Variants in CSTPP1 observed in about 807,000 individuals in gnomAD.
CSTPP1 encodes the protein UPF0705 protein C11orf49.
chr11:46,963,251 G>A, the CSTPP1 span, among the ~76,000 whole-genome samples: 3 of 151,354 alleles, frequency 2.0e-5, no homozygotes, highest in Non-Finnish European at 4.4e-5. Context: ...TTAACTGGGG[G>A]AGTTTTGTAG....
chr11:47,118,326 T>C, the CSTPP1 span, among the ~76,000 whole-genome samples: 1 of 152,196 alleles, frequency 6.6e-6, no homozygotes, highest in Non-Finnish European at 1.5e-5. Context: ...TTCTCTACAC[T>C]GTTTATTCTA....
chr11:47,164,268 C>G, the CSTPP1 span: 1 of 1,607,714 alleles, frequency 6.2e-7, no homozygotes, highest in Middle Eastern at 1.7e-4. Context: ...GGGGCCGGCA[C>G]TGGGCAGGGA....
the CSTPP1 span, among the ~76,000 whole-genome samples, chr11:46,999,504 C>A: frequency 6.6e-6 from 1 of 152,140 alleles, no homozygotes; most frequent in Non-Finnish European, 1.5e-5. Flanking sequence ...GAGGGCTAAC[C>A]AGATCATATT....
the CSTPP1 span, among the ~76,000 whole-genome samples, chr11:46,962,066 GT>G: frequency 6.6e-6 from 1 of 152,122 alleles, no homozygotes; most frequent in Non-Finnish European, 1.5e-5. Context: ...ATCAGATCTT[GT>G]GAGAAGTCTC....
the CSTPP1 span, chr11:46,936,881 A>G: frequency 1.9e-6 from 3 of 1,550,028 alleles, no homozygotes; most frequent in Non-Finnish European, 2.6e-6. Flanking sequence ...TTGGGGAGGG[A>G]AAGACGTGCA....
the CSTPP1 span, among the ~76,000 whole-genome samples, chr11:47,104,025 T>C: frequency 6.6e-6 from 1 of 152,288 alleles, no homozygotes; most frequent in Non-Finnish European, 1.5e-5. Context: ...TGCTTAATCA[T>C]CCTATTCTTT....
chr11:47,115,915 G>T, the CSTPP1 span, among the ~76,000 whole-genome samples: 7 of 152,170 alleles, frequency 4.6e-5, no homozygotes, highest in Admixed American at 3.9e-4. Flanking sequence ...ATGTTAGGGT[G>T]TCGATTTTAG....
At chr11:47,081,290 T>C in the CSTPP1 span, among the ~76,000 whole-genome samples, 1 of 152,030 alleles carries the variant, frequency 6.6e-6, no homozygotes, top group Middle Eastern at 3.2e-3. Flanking sequence ...TAGACTAAAA[T>C]AACCAGAAAT....
At chr11:47,008,177 G>A in the CSTPP1 span, among the ~76,000 whole-genome samples, 1 of 152,098 alleles carries the variant, frequency 6.6e-6, no homozygotes, top group Non-Finnish European at 1.5e-5. Flanking sequence ...GTGCTGGCCA[G>A]GCTGGTCTCG....
chr11:47,112,364 C>T, the CSTPP1 span, among the ~76,000 whole-genome samples: 1 of 152,102 alleles, frequency 6.6e-6, no homozygotes, highest in African/African-American at 2.4e-5. Context: ...ATCTGTCACC[C>T]AGGCTGGAGT....
At chr11:46,952,750 C>T in the CSTPP1 span, among the ~76,000 whole-genome samples, 2 of 152,204 alleles carry the variant, frequency 1.3e-5, no homozygotes, top group African/African-American at 4.8e-5. Flanking sequence ...CCTTTGTAAA[C>T]ATTTCCAATA....
chr11:46,936,996 G>C, the CSTPP1 span: 2 of 1,130,816 alleles, frequency 1.8e-6, no homozygotes, highest in Non-Finnish European at 2.4e-6. Context: ...CAGGGCCTGA[G>C]CCTGTAAGGC....
the CSTPP1 span, among the ~76,000 whole-genome samples, chr11:46,976,963 G>A: frequency 2.0e-5 from 3 of 152,298 alleles, no homozygotes; most frequent in East Asian, 1.9e-4. Flanking sequence ...AGGGTCAATC[G>A]TATTTCACTT....
At chr11:47,157,793 G>A in the CSTPP1 span, 1 of 1,608,272 alleles carries the variant, frequency 6.2e-7, no homozygotes, top group Admixed American at 1.7e-5. Flanking sequence ...GGCTCTGAAT[G>A]TGGCATCTCT....
chr11:46,999,538 T>C, the CSTPP1 span, among the ~76,000 whole-genome samples: 4 of 152,294 alleles, frequency 2.6e-5, no homozygotes, highest in East Asian at 7.7e-4. Flanking sequence ...TAGCTATAAT[T>C]TCTACTATTT....
the CSTPP1 span, among the ~76,000 whole-genome samples, chr11:47,108,901 T>G: frequency 5.3e-5 from 8 of 152,104 alleles, no homozygotes; most frequent in Admixed American, 3.3e-4. Context: ...GAGACAGGGT[T>G]TCACCATGTT....
the CSTPP1 span, chr11:47,163,957 T>A: frequency 9.5e-7 from 1 of 1,055,382 alleles, no homozygotes; most frequent in Non-Finnish European, 1.4e-6. Flanking sequence ...TAAATATTTC[T>A]TAAACTCCAC....
At chr11:47,124,523 A>C in the CSTPP1 span, among the ~76,000 whole-genome samples, 363 of 152,274 alleles carry the variant, frequency 2.4e-3, 2 homozygotes, top group African/African-American at 8.5e-3. Flanking sequence ...CAAAATTCAA[A>C]AGGGTATACA....
chr11:47,132,005 T>G, the CSTPP1 span, among the ~76,000 whole-genome samples: 1 of 152,022 alleles, frequency 6.6e-6, no homozygotes, highest in Non-Finnish European at 1.5e-5. Flanking sequence ...AGTGATACAT[T>G]CTTATGAAAA....
Sources: gnomAD v4.1 joint callset for allele counts (sites outside exome capture counted in the v4.1 genomes callset) on GRCh38, gnomAD v4.1.1 for gene constraint, MANE v1.5 for transcripts, NCBI Gene and HGNC (gene_info 2026-07-23, HGNC 2026-07-21) for gene names.